MAP3K2: variants seen among roughly 807,000 people sequenced by gnomAD.
The protein encoded by MAP3K2 is mitogen-activated protein kinase kinase kinase 2, also known as MAP/ERK kinase kinase 2.
A neutral mutation model predicts 80.3 loss-of-function variants in MAP3K2; 24 were observed. The ratio of observed to expected loss-of-function variants is 0.30; its 90% confidence interval spans 0.22 to 0.42. MAP3K2 has a LOEUF of 0.42. MAP3K2 is among the 10% of genes least tolerant of loss of function. The probability of loss-of-function intolerance (pLI) is 1.00; values close to 1 mark genes in which losing one functional copy is unlikely to be tolerated. For synonymous variants in MAP3K2, 244 were observed against 253.7 expected, an observed-to-expected ratio of 0.96 and a Z score of 0.36; for missense variants, 608 against 750.1, an observed-to-expected ratio of 0.81 and a Z score of 2.21.
Position 127,299,889 on chromosome 2 carries a change from TAG to T in MAP3K2, c.*7688_*7689del, listed in dbSNP as rs369945710. On this transcript the variant is annotated 3_prime_UTR_variant, in exon 17 of 17. Transcript: ENST00000682094. ...CTTATAAAACAAGTTCATAAAAATGTAGAAATGAAATGAAAATAAGAACTTAC... is the reference window on the plus strand; with the variant it reads ...CTTATAAAACAAGTTCATAAAAATGTAAATGAAATGAAAATAAGAACTTAC... The T allele has an allele frequency of 2.0e-5, 3 of 152,182 alleles. No individual in the cohort carries two copies. The highest frequency in any genetic ancestry group is 7.2e-5 in the African/African-American group (3 of 41,568). The allele number at this position is 152,182 out of a possible 1,614,324, so 9.4% of individuals were successfully genotyped here.
At chr2:127,329,490 G>A (rs1485736903) in intron 7 of MAP3K2, among the ~76,000 whole-genome samples, 2 of 151,868 alleles carry the variant, frequency 1.3e-5, no homozygotes, top group African/African-American at 4.8e-5. Flanking sequence ...CTGAGTAGCT[G>A]GGACTACAGG....
chr2:127,377,041 A>G (rs1687163982), intron 1 of MAP3K2, among the ~76,000 whole-genome samples: 1 of 152,020 alleles, frequency 6.6e-6, no homozygotes, highest in Non-Finnish European at 1.5e-5. Context: ...AGCCTGAATG[A>G]TAGAGCGAGA....
intron 1 of MAP3K2, among the ~76,000 whole-genome samples, chr2:127,386,854 T>C (rs55871356): frequency 6.6e-6 from 1 of 152,296 alleles, no homozygotes; most frequent in Admixed American, 6.5e-5. Flanking sequence ...CAAAAAGACA[T>C]CTGCATATTC....
rs900058072 is a variant in MAP3K2, at chr2:127,387,526, C to G, written c.-140G>C. 1 of 984,884 alleles carries G rather than the reference C, an allele frequency of 1.0e-6. No homozygotes were observed. The highest frequency in any genetic ancestry group is 1.2e-6 in the Non-Finnish European group (1 of 829,732). 61.0% of individuals were successfully genotyped at this position (984,884 alleles called of 1,614,324 possible). A position where few individuals can be genotyped will look rare whatever the true frequency, so the allele number is the denominator to read the frequency against. On this transcript the variant is annotated 5_prime_UTR_variant, in exon 1 of 17. Transcript: ENST00000682094. ...CCCCGCCGAGCCCGCCCCTCCGCCC[C>G]AGCGCGGCCTGTCACCGCGGCCCCA...
rs1685733111 is a variant in MAP3K2, at chr2:127,307,907, T to C, written c.1635-103A>G. On this transcript the variant is annotated intron_variant, in intron 16 of 16. Transcript: ENST00000682094. The surrounding 1 kb of genome is among the most constrained non-coding windows in gnomAD (Gnocchi z 5.4). ...GGCATTAAGTCCATATATATTTAAA[T>C]ATGACTTAATTTCAAGTTCAAAGTT... 3 of 677,362 alleles carry C rather than the reference T, an allele frequency of 4.4e-6. No individual in the cohort carries two copies. Among genetic ancestry groups the C allele is most frequent in the East Asian group, 5.6e-5 (2 of 35,478 alleles). 42.0% of individuals were successfully genotyped at this position (677,362 alleles called of 1,614,324 possible).
In MAP3K2 at chr2:127,300,997, AT is replaced by A. The variant is rs1404968233; in HGVS notation, c.*6581del. 2 of 152,256 alleles carry A rather than the reference AT, an allele frequency of 1.3e-5. No individual in the cohort carries two copies. The highest frequency in any genetic ancestry group is 4.8e-5 in the African/African-American group (2 of 41,472). 9.4% of individuals were successfully genotyped at this position (152,256 alleles called of 1,614,324 possible). On this transcript the variant is annotated 3_prime_UTR_variant, in exon 17 of 17. Transcript: ENST00000682094. ...CTTTTAAAAAATAAATTCTAAAAAA[AT>A]ATTTAAAAAGAAGTGAACTTAAAAG...
intron 14 of MAP3K2, among the ~76,000 whole-genome samples, chr2:127,315,614 C>T (rs1363553072): frequency 1.3e-5 from 2 of 152,194 alleles, no homozygotes; most frequent in East Asian, 3.9e-4. Context: ...CTTGTTTGTT[C>T]AGTCTACTGT....
intron 2 of MAP3K2, among the ~76,000 whole-genome samples, chr2:127,342,909 CCTG>C (rs1254785695): frequency 1.3e-5 from 2 of 152,130 alleles, no homozygotes; most frequent in Admixed American, 1.3e-4. Context: ...TTTGAATGTC[CCTG>C]CTGTTACGCA....
intron 1 of MAP3K2, among the ~76,000 whole-genome samples, chr2:127,360,219 A>G (rs1201409264): frequency 6.6e-6 from 1 of 152,250 alleles, no homozygotes; most frequent in Non-Finnish European, 1.5e-5. Context: ...ACATACAATA[A>G]TACGGATGAA....
chr2:127,350,455 A>C (rs1267863461), intron 1 of MAP3K2, among the ~76,000 whole-genome samples: 1 of 51,332 alleles, frequency 1.9e-5, no homozygotes, highest in African/African-American at 6.3e-5. Flanking sequence ...AAACAAAAAC[A>C]AAAAAAAAAA....
intron 16 of MAP3K2, 90 bp downstream of exon 16, chr2:127,308,494 AG>A: frequency 1.7e-6 from 2 of 1,193,506 alleles, no homozygotes; most frequent in Non-Finnish European, 2.3e-6. Context: ...GAAGTACAAA[AG>A]ATTATTTACA....
intron 1 of MAP3K2, among the ~76,000 whole-genome samples, chr2:127,384,235 T>TATATATATATATATATATATA (rs1558993419): frequency 1.4e-5 from 2 of 147,356 alleles, no homozygotes; most frequent in African/African-American, 5.0e-5. Context: ...TATATATATA[T>TATATATATATATATATATATA]TGCTTTTTTA....
intron 4 of MAP3K2, among the ~76,000 whole-genome samples, chr2:127,336,515 T>C (rs964334192): frequency 2.6e-5 from 4 of 152,182 alleles, no homozygotes; most frequent in African/African-American, 9.7e-5. Flanking sequence ...CTAGAGAGCA[T>C]GCACCTAAAG....
In MAP3K2 at chr2:127,364,922, G is replaced by GTT. The variant is rs1034735341; in HGVS notation, c.-65-21730_-65-21729dup. 5.3e-5 allele frequency among the ~76,000 whole-genome samples: 8 copies of GTT among 152,032 alleles called. No homozygotes were observed. Among genetic ancestry groups the GTT allele is most frequent in the South Asian group, 2.1e-4 (1 of 4,814 alleles). On this transcript the variant is annotated intron_variant, in intron 1 of 16. Coordinates refer to ENST00000682094, the MANE Select transcript of MAP3K2 (RefSeq NM_001371910.2). This position sits in a 1 kb window ranked among gnomAD's most constrained non-coding sequence, Gnocchi z 4.1. ...GCAGGCAGATCACCTGAGGTCAGGAGTTTGAGACCGGCCTGGCCAACATGG... is the reference window on the plus strand; with the variant it reads ...GCAGGCAGATCACCTGAGGTCAGGAGTTTTTGAGACCGGCCTGGCCAACATGG...
At chr2:127,362,506 CTTAA>C (rs1377772227) in intron 1 of MAP3K2, among the ~76,000 whole-genome samples, 13 of 152,220 alleles carry the variant, frequency 8.5e-5, no homozygotes, top group Non-Finnish European at 1.5e-5. Context: ...GTTTACAAAT[CTTAA>C]TTTTTTTTCT....
At chr2:127,317,593 T>A (rs1259635449) in intron 14 of MAP3K2, 36 bp downstream of exon 14, 3 of 1,461,368 alleles carry the variant, frequency 2.1e-6, no homozygotes, top group Non-Finnish European at 1.8e-6. Context: ...AAATTTTAAA[T>A]AGAATGTGTA....
At chr2:127,327,399 T>C (rs1026792479) in intron 7 of MAP3K2, among the ~76,000 whole-genome samples, 3 of 152,150 alleles carry the variant, frequency 2.0e-5, no homozygotes, top group Non-Finnish European at 4.4e-5. Context: ...GAGAGTACTG[T>C]CTACACTTGT....
intron 1 of MAP3K2, chr2:127,377,994 A>C (rs889922192): frequency 5.7e-6 from 1 of 175,260 alleles, no homozygotes; most frequent in South Asian, 1.9e-4. Flanking sequence ...AAAACAAACA[A>C]TAACAGCAAC....
chr2:127,311,878 C>A (rs897895537), intron 15 of MAP3K2, among the ~76,000 whole-genome samples: 2 of 152,144 alleles, frequency 1.3e-5, no homozygotes, highest in Non-Finnish European at 2.9e-5. Context: ...AAAGTTCCCT[C>A]CAATCTCCTT....
Sources: allele counts gnomAD v4.1 joint callset (sites outside exome capture counted in the v4.1 genomes callset), GRCh38; gene constraint gnomAD v4.1.1; non-coding constraint Gnocchi (gnomAD v3.1); transcripts MANE v1.5; gene names NCBI Gene and HGNC (gene_info 2026-07-23, HGNC 2026-07-21).